The following ALDH5A1 variants were observed in gnomAD, a reference collection of about 807,000 sequenced individuals.
The protein encoded by ALDH5A1 is aldehyde dehydrogenase 5 family member A1.
ALDH5A1 carries 33 observed loss-of-function variants against 54.7 expected under a neutral mutation model. That is an observed-to-expected ratio of 0.60 (90% CI 0.46 to 0.81). The LOEUF (loss-of-function observed/expected upper bound fraction) is 0.81. ALDH5A1 is among the 30% of genes least tolerant of loss of function. ALDH5A1 has a pLI of 0.00. For synonymous variants in ALDH5A1, 294 were observed against 292.7 expected (o/e 1.00, Z -0.05); for missense variants, 657 against 711.0 (o/e 0.92, Z 0.86).
intron 1 of ALDH5A1, among the ~76,000 whole-genome samples, chr6:24,496,898 A>C (rs1764719734): frequency 1.3e-5 from 2 of 152,138 alleles, no homozygotes; most frequent in South Asian, 4.1e-4. Context: ...TAGGACTTCG[A>C]CATGTCAATT....
chr6:24,502,603 A>C lies in ALDH5A1; in HGVS notation c.435A>C (p.Glu145Asp). Residue 145 changes from glutamate to aspartate, a missense_variant, in exon 2 of 10, where the codon GAA (glutamate) becomes GAC (aspartate). Glu to Asp is a conservative substitution (Grantham distance 45). This residue lies in a region of ALDH5A1 where 425 missense variants were observed against 516.4 expected (regional missense o/e 0.82). Coordinates refer to ENST00000357578, the MANE Select transcript of ALDH5A1 (RefSeq NM_001080.3). ...KDDLARIITA[E>D]SGKPLKEAHG... ...ACCTTGCCAGAATAATCACAGCTGA[A>C]AGTGTAAGTTCAGGGTTCTGGCTTG... is the stretch of plus-strand genomic sequence containing the variant. 6.2e-7 allele frequency: 1 copy of C among 1,611,984 alleles called. No homozygotes were observed. The highest frequency in any genetic ancestry group is 8.5e-7 in the Non-Finnish European group (1 of 1,178,100).
At chr6:24,523,823 T>C (rs1759749690) in intron 7 of ALDH5A1, among the ~76,000 whole-genome samples, 1 of 152,124 alleles carries the variant, frequency 6.6e-6, no homozygotes, top group Admixed American at 6.5e-5. Flanking sequence ...TTTAGAGATA[T>C]TGAGGGGAAA....
chr6:24,501,761 A>G (rs536054468), intron 1 of ALDH5A1, among the ~76,000 whole-genome samples: 1 of 151,972 alleles, frequency 6.6e-6, no homozygotes, highest in Non-Finnish European at 1.5e-5. Context: ...TGTGCTTTTC[A>G]TTGTCCAAAC....
intron 6 of ALDH5A1, among the ~76,000 whole-genome samples, chr6:24,521,857 A>ATTTTTTT (rs71542679): frequency 1.2e-4 from 12 of 98,216 alleles, no homozygotes; most frequent in African/African-American, 1.8e-4. Flanking sequence ...TGTCTCTACA[A>ATTTTTTT]TTTTTTTTTT....
rs752082829 is a variant in ALDH5A1 at position 24,532,103 on chromosome 6, A to G, written c.1344-16A>G. On this transcript the variant is annotated splice_polypyrimidine_tract_variant and intron_variant, in intron 8 of 9. Transcript: ENST00000357578. ...CTCCCCCTTACATTTTTTATGACCTATCTTAACTTTGGCAGGTTCGATACA... is the reference window on the plus strand; with the variant it reads ...CTCCCCCTTACATTTTTTATGACCTGTCTTAACTTTGGCAGGTTCGATACA... 1.9e-6 allele frequency: 3 copies of G among 1,613,542 alleles called. No homozygotes were observed. The highest frequency in any genetic ancestry group is 2.7e-5 in the African/African-American group (2 of 74,896).
At chr6:24,515,097 C>CTTTTATTTTTTTTTTTT in intron 4 of ALDH5A1, 70 bp from the exon 5 acceptor site, 1 of 1,311,224 alleles carries the variant, frequency 7.6e-7, no homozygotes, top group Non-Finnish European at 1.0e-6. Context: ...ATTTATTTCT[C>CTTTTATTTTTTTTTTTT]TTTTCTTTTT....
At chr6:24,505,157 G>GA (rs1198202441) in intron 4 of ALDH5A1, among the ~76,000 whole-genome samples, 172 bp downstream of exon 4, 6 of 152,052 alleles carry the variant, frequency 3.9e-5, no homozygotes, top group Admixed American at 3.9e-4. Flanking sequence ...GCTCTTTTGG[G>GA]AAAAAAATGG....
chr6:24,507,346 A>T (rs1301696953), intron 4 of ALDH5A1, among the ~76,000 whole-genome samples: 4 of 151,966 alleles, frequency 2.6e-5, no homozygotes, highest in African/African-American at 9.7e-5. Flanking sequence ...GATTATCTTA[A>T]ATGTATTCTC....
chr6:24,495,775 T>C, intron 1 of ALDH5A1, among the ~76,000 whole-genome samples: 1 of 152,184 alleles, frequency 6.6e-6, no homozygotes, highest in Non-Finnish European at 1.5e-5. Context: ...GGAGGCTGCT[T>C]CAGCGGCCCT....
rs2127379151 is a variant in ALDH5A1 at position 24,495,348 on chromosome 6, A to T, written c.352A>T (p.Lys118Ter). The change falls in exon 1 of 10, where the codon AAG (lysine) becomes TAG (stop). Residue 118 changes from lysine to a stop codon, truncating the protein, a stop_gained and splice_region_variant. Coordinates refer to ENST00000357578, the MANE Select transcript of ALDH5A1 (RefSeq NM_001080.3). LOFTEE classifies it high-confidence loss of function. ...CTGCCGCTGGAGGGAGGTCTCCGCC[A>T]AGGTGAGAGAGCCCGGATGCAGGGG... is the stretch of plus-strand genomic sequence containing the variant. ...AFCRWREVSA[K>*]ERSSLLRKWY... The T allele has an allele frequency of 2.0e-6, 3 of 1,532,682 alleles. No homozygotes were observed. Among genetic ancestry groups the T allele is most frequent in the Non-Finnish European group, 2.6e-6 (3 of 1,146,200 alleles). 94.9% of individuals were successfully genotyped at this position (1,532,682 alleles called of 1,614,324 possible).
chr6:24,505,621 T>A (rs1363230970), intron 4 of ALDH5A1, among the ~76,000 whole-genome samples: 9 of 152,130 alleles, frequency 5.9e-5, no homozygotes, highest in Admixed American at 5.9e-4. Flanking sequence ...CTTCTTCACG[T>A]CTTCACTCAA....
In ALDH5A1 at chr6:24,504,764, T is replaced by C. The variant is rs148805919; in HGVS notation, c.610-105T>C. ...CTGTGCAGCCAAACGGGTTTGTCAA[T>C]CAGTTGTGCAATGAAATTTGTTCAC... On this transcript the variant is annotated intron_variant, in intron 3 of 9. Coordinates refer to ENST00000357578, the MANE Select transcript of ALDH5A1 (RefSeq NM_001080.3). 1.4e-3 allele frequency: 1,654 copies of C among 1,146,366 alleles called. 5 individuals are homozygous for C. The highest frequency in any genetic ancestry group is 9.4e-3 in the African/African-American group (617 of 65,780). The allele number at this position is 1,146,366 out of a possible 1,614,324, so 71.0% of individuals were successfully genotyped here. A position where few individuals can be genotyped will look rare whatever the true frequency, so the allele number is the denominator to read the frequency against.
intron 4 of ALDH5A1, among the ~76,000 whole-genome samples, chr6:24,513,133 C>G (rs189521669): frequency 5.9e-4 from 90 of 151,944 alleles, no homozygotes; most frequent in Non-Finnish European, 1.1e-3. Flanking sequence ...TATCACGGCT[C>G]ACTGCAGCCT....
intron 5 of ALDH5A1, 106 bp downstream of exon 5, chr6:24,515,416 C>T: frequency 7.2e-7 from 1 of 1,379,840 alleles, no homozygotes; most frequent in Non-Finnish European, 1.0e-6. Flanking sequence ...GAAAGATTTC[C>T]AGCAGAGTGT....
chr6:24,500,960 G>A (rs1002952147), intron 1 of ALDH5A1, among the ~76,000 whole-genome samples: 1 of 152,092 alleles, frequency 6.6e-6, no homozygotes, highest in Non-Finnish European at 1.5e-5. Flanking sequence ...AGTCTGTATG[G>A]CATGACAACA....
intron 3 of ALDH5A1, among the ~76,000 whole-genome samples, chr6:24,503,687 C>G (rs915486573): frequency 2.0e-5 from 3 of 152,182 alleles, no homozygotes; most frequent in Non-Finnish European, 4.4e-5. Flanking sequence ...GACCCAGGGG[C>G]TCTTCTGACT....
intron 6 of ALDH5A1, 80 bp downstream of exon 6, chr6:24,520,624 G>A: frequency 6.4e-7 from 1 of 1,564,406 alleles, no homozygotes; most frequent in Non-Finnish European, 8.7e-7. Flanking sequence ...TGTGATATGT[G>A]TGCATGTGAG....
intron 2 of ALDH5A1, among the ~76,000 whole-genome samples, 159 bp from the exon 3 acceptor site, chr6:24,503,103 CT>C (rs1463441060): frequency 6.6e-6 from 1 of 152,090 alleles, no homozygotes; most frequent in Non-Finnish European, 1.5e-5. Flanking sequence ...TGTAATTCTG[CT>C]TTTTAAAACT....
intron 5 of ALDH5A1, among the ~76,000 whole-genome samples, chr6:24,519,081 G>A (rs1450277170): frequency 6.6e-6 from 1 of 151,964 alleles, no homozygotes; most frequent in East Asian, 1.9e-4. Flanking sequence ...TCATCACAGT[G>A]TTTTTGTCTT....
Sources: gnomAD v4.1 joint callset for allele counts (sites outside exome capture counted in the v4.1 genomes callset) on GRCh38, gnomAD v4.1.1 for gene constraint, gnomAD v4.1.1 regional missense constraint, MANE v1.5 for transcripts, NCBI Gene and HGNC (gene_info 2026-07-23, HGNC 2026-07-21) for gene names.